Variants in CDH18 observed in about 807,000 individuals in gnomAD.
The protein encoded by CDH18 is cadherin 18.
A neutral mutation model predicts 67.9 loss-of-function variants in CDH18; 31 were observed. That is an observed-to-expected ratio of 0.46 (90% CI 0.34 to 0.62). The LOEUF is 0.62. CDH18 is among the 20% of genes least tolerant of loss of function. The pLI is 0.01. For missense variants in CDH18, 890 were observed against 975.5 expected (o/e 0.91, Z 1.17); for synonymous variants, 362 against 347.2 (o/e 1.04, Z -0.48).
intron 8 of CDH18, among the ~76,000 whole-genome samples, chr5:19,549,325 C>T (rs1244341179): frequency 2.0e-5 from 3 of 152,170 alleles, no homozygotes; most frequent in African/African-American, 7.2e-5. Flanking sequence ...ATGTGACATG[C>T]TGGCTCCCCT....
chr5:20,512,628 A>T (rs1222908447), intron 1 of CDH18, among the ~76,000 whole-genome samples: 1 of 152,104 alleles, frequency 6.6e-6, no homozygotes, highest in East Asian at 1.9e-4. Flanking sequence ...TCACGCCTAT[A>T]ATCCCAACAC....
chr5:20,006,797 A>G (rs1736936773), intron 2 of CDH18, among the ~76,000 whole-genome samples: 1 of 151,988 alleles, frequency 6.6e-6, no homozygotes, highest in South Asian at 2.1e-4. Context: ...AAAATATGTT[A>G]AAAATCTAAT....
chr5:19,880,709 A>C (rs904063932), intron 2 of CDH18, among the ~76,000 whole-genome samples: 2 of 152,178 alleles, frequency 1.3e-5, no homozygotes, highest in African/African-American at 4.8e-5. Context: ...AATAGCATTT[A>C]ATTATGTCTG....
chr5:19,513,591 A>G (rs1745458848), intron 10 of CDH18, among the ~76,000 whole-genome samples: 1 of 151,900 alleles, frequency 6.6e-6, no homozygotes, highest in Non-Finnish European at 1.5e-5. Context: ...TTGTTATTCT[A>G]TTTTATTTGG....
intron 1 of CDH18, among the ~76,000 whole-genome samples, chr5:20,337,247 C>T (rs73056775): frequency 0.11 from 16,472 of 152,224 alleles, 1,480 homozygotes; most frequent in East Asian, 0.37. Flanking sequence ...GTTACTTATA[C>T]AAATTTCTGC....
At chr5:19,556,198 C>T (rs966857241) in intron 8 of CDH18, among the ~76,000 whole-genome samples, 1 of 152,120 alleles carries the variant, frequency 6.6e-6, no homozygotes, top group African/African-American at 2.4e-5. Context: ...ATTCTGATAA[C>T]ATGGCAAAAT....
chr5:20,364,484 A>C (rs1409959651), intron 1 of CDH18, among the ~76,000 whole-genome samples: 1 of 152,232 alleles, frequency 6.6e-6, no homozygotes, highest in African/African-American at 2.4e-5. Context: ...CATAGAAAAC[A>C]GAGAAGAGTG....
chr5:19,783,181 G>A (rs895862393), intron 3 of CDH18, among the ~76,000 whole-genome samples: 19 of 152,152 alleles, frequency 1.2e-4, no homozygotes, highest in South Asian at 8.3e-4. Flanking sequence ...TTAATCTGCC[G>A]CACTATTATG....
intron 2 of CDH18, among the ~76,000 whole-genome samples, chr5:20,027,603 G>T (rs1739024422): frequency 6.6e-6 from 1 of 152,118 alleles, no homozygotes; most frequent in African/African-American, 2.4e-5. Context: ...TTGCTAGGAG[G>T]GAAAGCAGCT....
At chr5:20,136,854 GT>G (rs767905427) in intron 2 of CDH18, among the ~76,000 whole-genome samples, 23 of 152,148 alleles carry the variant, frequency 1.5e-4, no homozygotes, top group Non-Finnish European at 3.1e-4. Context: ...ATGAAGCTTA[GT>G]TTGGTTGGAT....
chr5:19,649,811 T>TTA (rs201569408), intron 5 of CDH18, among the ~76,000 whole-genome samples: 1,853 of 152,106 alleles, frequency 0.012, 27 homozygotes, highest in South Asian at 0.022. Flanking sequence ...TCCAGGGTTC[T>TTA]TATATATATG....
At chr5:20,043,690 T>C (rs1367955154) in intron 2 of CDH18, among the ~76,000 whole-genome samples, 1 of 152,210 alleles carries the variant, frequency 6.6e-6, no homozygotes, top group Non-Finnish European at 1.5e-5. Context: ...TATAAAGCAA[T>C]TGAAGTCTGT....
chr5:20,175,086 T>C (rs531277750), intron 2 of CDH18, among the ~76,000 whole-genome samples: 1 of 152,174 alleles, frequency 6.6e-6, no homozygotes, highest in African/African-American at 2.4e-5. Context: ...AGAATACACT[T>C]AAGTCATAGT....
At chr5:20,192,594 T>G (rs1249721930) in intron 2 of CDH18, among the ~76,000 whole-genome samples, 1 of 152,160 alleles carries the variant, frequency 6.6e-6, no homozygotes, top group Non-Finnish European at 1.5e-5. Context: ...CCAGCATCAC[T>G]TAATGAATAG....
intron 3 of CDH18, among the ~76,000 whole-genome samples, chr5:19,789,800 T>A (rs144973580): frequency 0.011 from 1,734 of 152,090 alleles, 21 homozygotes; most frequent in Middle Eastern, 0.034. Context: ...CTATCTAGAG[T>A]TATAAATTAG....
intron 1 of CDH18, among the ~76,000 whole-genome samples, chr5:20,496,170 G>A (rs1397752055): frequency 6.6e-6 from 1 of 152,012 alleles, no homozygotes; most frequent in Non-Finnish European, 1.5e-5. Flanking sequence ...GTCAACACAG[G>A]ACTTATCTTT....
At chr5:20,398,473 A>C (rs1023772982) in intron 1 of CDH18, among the ~76,000 whole-genome samples, 1 of 152,204 alleles carries the variant, frequency 6.6e-6, no homozygotes, top group African/African-American at 2.4e-5. Context: ...GGAGCAGAGA[A>C]CATAACCAAG....
chr5:20,095,499 GA>G (rs2150568242), intron 2 of CDH18, among the ~76,000 whole-genome samples: 1 of 129,702 alleles, frequency 7.7e-6, no homozygotes, highest in African/African-American at 2.9e-5. Flanking sequence ...GGGAGGGAGG[GA>G]GGGAGGGAGG....
At chr5:20,318,334 A>G (rs1046804186) in intron 1 of CDH18, among the ~76,000 whole-genome samples, 1 of 152,134 alleles carries the variant, frequency 6.6e-6, no homozygotes, top group South Asian at 2.1e-4. Flanking sequence ...AAAAAAGACT[A>G]TTGTCCGAAG....
Sources: gnomAD v4.1 joint callset for allele counts (sites outside exome capture counted in the v4.1 genomes callset) on GRCh38, gnomAD v4.1.1 for gene constraint, MANE v1.5 for transcripts, NCBI Gene and HGNC (gene_info 2026-07-23, HGNC 2026-07-21) for gene names.